KCNH1: variants seen among roughly 807,000 people sequenced by gnomAD.
KCNH1 encodes the protein voltage-gated delayed rectifier potassium channel KCNH1.
Under a neutral mutation model 69.2 loss-of-function variants are expected in KCNH1, and 27 were observed. That is an observed-to-expected ratio of 0.39 (90% CI 0.29 to 0.54). The LOEUF (loss-of-function observed/expected upper bound fraction) is 0.54, where lower values mean the gene tolerates loss of function less well. Ranked by LOEUF, KCNH1 falls within the 20% of genes least tolerant of loss-of-function variation. The pLI, the probability that KCNH1 is intolerant of heterozygous loss-of-function variation, is 0.68. For missense variants in KCNH1, 798 were observed against 1,261.6 expected (o/e 0.63, Z 5.57); for synonymous variants, 456 against 487.7 (o/e 0.93, Z 0.86).
At chr1:211,070,459 A>AC (rs67183129) in intron 5 of KCNH1, among the ~76,000 whole-genome samples, 1 of 150,064 alleles carries the variant, frequency 6.7e-6, no homozygotes, top group African/African-American at 2.4e-5. Flanking sequence ...ACACACACAC[A>AC]AACAAACAAA....
Position 211,087,635 on chromosome 1 carries a change from A to G in KCNH1, c.439+2927T>C, listed in dbSNP as rs12752645. ...CACACACACACACACACACACACACACACGCACACACACACACACACACAC... is the reference window on the plus strand; with the variant it reads ...CACACACACACACACACACACACACGCACGCACACACACACACACACACAC... On this transcript the variant is annotated intron_variant, in intron 4 of 10. Coordinates refer to ENST00000271751, the MANE Select transcript of KCNH1 (RefSeq NM_172362.3). Among the ~76,000 whole-genome samples, 37 of 29,298 alleles carry G rather than the reference A, an allele frequency of 1.3e-3. 1 individual carries two copies. Among genetic ancestry groups the G allele is most frequent in the South Asian group, 0.011 (8 of 710 alleles). 19.2% of individuals were successfully genotyped at this position (29,298 alleles called of 152,430 possible).
In KCNH1 at chr1:210,684,103, T is replaced by C. The variant is rs1681349693; in HGVS notation, c.2148A>G (p.Glu716=). The C allele has an allele frequency of 1.3e-6, 2 of 1,512,726 alleles. No homozygotes were observed. The highest frequency in any genetic ancestry group is 2.8e-5 in the African/African-American group (2 of 71,642). The allele number at this position is 1,512,726 out of a possible 1,614,324, so 93.7% of individuals were successfully genotyped here. Residue 716 remains glutamate (E), a synonymous_variant, in exon 11 of 11, where the codon GAA becomes GAG. Coordinates refer to ENST00000271751, the MANE Select transcript of KCNH1 (RefSeq NM_172362.3). ...TCTTTCGTTTCATGCGTTCTTCCTC[T>C]TCACGTTTCACATCGCTGATCTTCC... is the stretch of plus-strand genomic sequence containing the variant. The part of the protein sequence containing the change: ...VFRKISDVKR[E]EEERMKRKNE...
At chr1:210,949,437 C>T (rs772242908) in intron 6 of KCNH1, among the ~76,000 whole-genome samples, 1 of 152,162 alleles carries the variant, frequency 6.6e-6, no homozygotes, top group Non-Finnish European at 1.5e-5. Flanking sequence ...TTCCTGCATC[C>T]AAAGAGATTA....
At chr1:210,899,452 TA>T (rs1353031570) in intron 7 of KCNH1, among the ~76,000 whole-genome samples, 1 of 151,662 alleles carries the variant, frequency 6.6e-6, no homozygotes, top group Non-Finnish European at 1.5e-5. Flanking sequence ...TTTTAACTTC[TA>T]AAACAATATG....
rs184824991 is a variant in KCNH1, at chr1:210,849,337, T to C, written c.1463-45171A>G. Reference sequence around the variant, plus strand: ...CCATGGTTTTAAGCCATGAGCCTTTTTTTGCGTGTGTGTGCTTTTCTTTCT... The same window carrying C: ...CCATGGTTTTAAGCCATGAGCCTTTCTTTGCGTGTGTGTGCTTTTCTTTCT... On this transcript the variant is annotated intron_variant, in intron 7 of 10. Coordinates refer to ENST00000271751, the MANE Select transcript of KCNH1 (RefSeq NM_172362.3). Among the ~76,000 whole-genome samples, 3 of 152,032 alleles carry C rather than the reference T, an allele frequency of 2.0e-5. No homozygotes were observed. The East Asian group carries it at 5.8e-4, about 29-fold the overall frequency.
intron 6 of KCNH1, among the ~76,000 whole-genome samples, chr1:210,950,398 GT>G (rs71134646): frequency 0.34 from 41,090 of 121,790 alleles, 7,128 homozygotes; most frequent in Non-Finnish European, 0.38. Flanking sequence ...TCCCCAGAGT[GT>G]GATATTCCCC....
intron 6 of KCNH1, among the ~76,000 whole-genome samples, chr1:210,958,527 C>T (rs1459767407): frequency 9.9e-5 from 15 of 152,174 alleles, no homozygotes; most frequent in Admixed American, 7.9e-4. Context: ...TCCATTCTCC[C>T]CATCACTTTC....
rs75679133 is a variant in KCNH1 at position 210,769,868 on chromosome 1, A to G, written c.2112+5480T>C. Among the ~76,000 whole-genome samples the G allele has an allele frequency of 3.9e-3, 588 of 152,304 alleles. 5 individuals are homozygous for G. Among genetic ancestry groups the G allele is most frequent in the African/African-American group, 0.013 (561 of 41,564 alleles). On this transcript the variant is annotated intron_variant, in intron 10 of 10. Transcript: ENST00000271751. ...AAGGGCAACAAAGTGTGAATTCAGA[A>G]CCTCTAAGACTGGAGGTGGAAGTAG...
chr1:211,117,462 G>A (rs1558612187), intron 1 of KCNH1, among the ~76,000 whole-genome samples: 3 of 152,154 alleles, frequency 2.0e-5, no homozygotes, highest in South Asian at 4.1e-4. Flanking sequence ...GGAGCCCTGA[G>A]CTTCCATGTG....
At chr1:210,864,949 T>C (rs1347663015) in intron 7 of KCNH1, among the ~76,000 whole-genome samples, 1 of 152,230 alleles carries the variant, frequency 6.6e-6, no homozygotes, top group Non-Finnish European at 1.5e-5. Flanking sequence ...TGTGGCTCTT[T>C]GAATTTCTTT....
intron 5 of KCNH1, among the ~76,000 whole-genome samples, chr1:211,056,511 G>C (rs1690307646): frequency 6.6e-6 from 1 of 152,190 alleles, no homozygotes; most frequent in South Asian, 2.1e-4. Flanking sequence ...TTTGCCACTT[G>C]CTGATTGTAG....
At chr1:211,081,324 G>C (rs1402316694) in intron 5 of KCNH1, among the ~76,000 whole-genome samples, 1 of 152,220 alleles carries the variant, frequency 6.6e-6, no homozygotes, top group African/African-American at 2.4e-5. Flanking sequence ...AACAACAGGT[G>C]CTAGAGAGGA....
intron 1 of KCNH1, among the ~76,000 whole-genome samples, chr1:211,126,755 T>C (rs2102502235): frequency 6.7e-6 from 1 of 148,598 alleles, no homozygotes; most frequent in Non-Finnish European, 1.5e-5. Context: ...AATTCCAGTA[T>C]CTAGGATGTG....
At chr1:210,837,502 T>C (rs1490023376) in intron 7 of KCNH1, among the ~76,000 whole-genome samples, 1 of 152,144 alleles carries the variant, frequency 6.6e-6, no homozygotes, top group Non-Finnish European at 1.5e-5. Context: ...TGAAGATCCA[T>C]GACAAAGAGA....
chr1:211,029,761 T>C (rs1251226796), intron 5 of KCNH1, among the ~76,000 whole-genome samples: 1 of 152,176 alleles, frequency 6.6e-6, no homozygotes, highest in Non-Finnish European at 1.5e-5. Flanking sequence ...ATATCCCTAT[T>C]TGCAAATGAC....
chr1:210,789,922 G>C (rs991796787), intron 9 of KCNH1, among the ~76,000 whole-genome samples: 1 of 152,152 alleles, frequency 6.6e-6, no homozygotes, highest in East Asian at 1.9e-4. Flanking sequence ...TCTTTTTAGA[G>C]ACAGGGTCTT....
intron 6 of KCNH1, among the ~76,000 whole-genome samples, chr1:210,935,713 T>C (rs1300252886): frequency 6.6e-6 from 1 of 152,204 alleles, no homozygotes; most frequent in Admixed American, 6.5e-5. Context: ...AACTTGCAAT[T>C]ATGAACAATC....
intron 7 of KCNH1, among the ~76,000 whole-genome samples, chr1:210,888,140 T>C (rs1225280179): frequency 1.3e-5 from 2 of 152,112 alleles, no homozygotes; most frequent in Non-Finnish European, 2.9e-5. Flanking sequence ...TATTCTAAAA[T>C]TGACCACAAA....
At chr1:210,981,330 G>T (rs917822076) in intron 6 of KCNH1, among the ~76,000 whole-genome samples, 1 of 140,806 alleles carries the variant, frequency 7.1e-6, no homozygotes, top group African/African-American at 2.6e-5. Flanking sequence ...CTAGTCCCAG[G>T]GGCTCCTCAG....
Sources: gnomAD v4.1 joint callset for allele counts (sites outside exome capture counted in the v4.1 genomes callset) on GRCh38, gnomAD v4.1.1 for gene constraint, MANE v1.5 for transcripts, NCBI Gene and HGNC (gene_info 2026-07-23, HGNC 2026-07-21) for gene names.